The following TMEM106B variants were observed in gnomAD, a reference collection of about 807,000 sequenced individuals.
The protein encoded by TMEM106B is transmembrane protein 106B.
In TMEM106B, 15 loss-of-function variants were observed where a neutral mutation model predicts 31.1. The ratio of observed to expected loss-of-function variants is 0.48; its 90% CI spans 0.32 to 0.74. TMEM106B has a LOEUF of 0.74. Among genes scored for constraint, TMEM106B ranks in the 30% least tolerant of loss-of-function variants. The probability of loss-of-function intolerance (pLI) is 0.03; values close to 1 mark genes in which losing one functional copy is unlikely to be tolerated. For synonymous variants in TMEM106B, 126 were observed against 112.5 expected, an observed-to-expected ratio of 1.12 and a Z score of -0.76; for missense variants, 283 against 327.3, an observed-to-expected ratio of 0.86 and a Z score of 1.04.
rs1304034650 is a variant in TMEM106B at position 12,238,532 on chromosome 7, T to G, written c.*6557T>G. The stretch of plus-strand genomic sequence containing the variant: ...CAAATCCTTTCTGGAAGGTTTCAAT[T>G]TACTTTGCCCAGATCCATCAGAGGA... On this transcript the variant is annotated 3_prime_UTR_variant, in exon 8 of 8. Coordinates refer to ENST00000396668, the MANE Select transcript of TMEM106B (RefSeq NM_001134232.2). 1 of 152,294 alleles carries G rather than the reference T, an allele frequency of 6.6e-6. No homozygotes were observed. The highest frequency in any genetic ancestry group is 2.4e-5 in the African/African-American group (1 of 41,452). 9.4% of individuals were successfully genotyped at this position (152,294 alleles called of 1,614,324 possible). A position where few individuals can be genotyped will look rare whatever the true frequency, so the allele number is the denominator to read the frequency against.
At chr7:12,226,677 C>T (rs539782765) in intron 4 of TMEM106B, among the ~76,000 whole-genome samples, 1,698 of 147,744 alleles carry the variant, frequency 0.011, 40 homozygotes, top group African/African-American at 0.04. Flanking sequence ...AAAGTGGAAT[C>T]ACTACTTAAT....
intron 3 of TMEM106B, among the ~76,000 whole-genome samples, chr7:12,223,813 C>T (rs1159722424): frequency 6.6e-6 from 1 of 151,432 alleles, no homozygotes; most frequent in Non-Finnish European, 1.5e-5. Flanking sequence ...CTCTGCCTCC[C>T]GGGTTCAAAC....
chr7:12,224,059 C>G (rs1469479578), intron 3 of TMEM106B, among the ~76,000 whole-genome samples, 167 bp from the exon 4 acceptor site: 2 of 152,174 alleles, frequency 1.3e-5, no homozygotes, highest in Non-Finnish European at 2.9e-5. Flanking sequence ...ACTTAATAGA[C>G]TCAGACTCAA....
chr7:12,223,877 C>T (rs1295707489), intron 3 of TMEM106B, among the ~76,000 whole-genome samples: 2 of 151,988 alleles, frequency 1.3e-5, no homozygotes, highest in Non-Finnish European at 2.9e-5. Context: ...CACACCACCA[C>T]ACCTGGCTAA....
intron 5 of TMEM106B, among the ~76,000 whole-genome samples, 165 bp downstream of exon 5, chr7:12,229,984 A>G (rs1781985469): frequency 1.3e-5 from 2 of 152,106 alleles, no homozygotes; most frequent in Admixed American, 1.3e-4. Context: ...TGGGAGGCTG[A>G]GCTCAGTGGA....
Position 12,229,776 on chromosome 7 carries a change from G to A in TMEM106B, c.539G>A (p.Arg180His), listed in dbSNP as rs746430474. Residue 180 changes from arginine (R) to histidine (H), a missense_variant, in exon 5 of 8, where the codon CGC becomes CAC. This residue lies in a region of TMEM106B where 201 missense variants were observed against 211.5 expected (regional missense o/e 0.95). Coordinates refer to ENST00000396668, the MANE Select transcript of TMEM106B (RefSeq NM_001134232.2). Reference sequence around the variant, plus strand: ...TCAAAAACAGTTATTGGAAAGGCACGCTTAAACAACATAACCATTATTGGT... The same window carrying A: ...TCAAAAACAGTTATTGGAAAGGCACACTTAAACAACATAACCATTATTGGT... ...QFSKTVIGKA[R>H]LNNITIIGPL... is the part of the protein sequence containing the mutation. 3.1e-6 allele frequency: 5 copies of A among 1,612,180 alleles called. No individual in the cohort carries two copies. Among genetic ancestry groups the A allele is most frequent in the Admixed American group, 3.4e-5 (2 of 59,486 alleles).
chr7:12,214,786 G>T (rs1215000091), intron 1 of TMEM106B, 23 bp from the exon 2 acceptor site: 1 of 1,564,552 alleles, frequency 6.4e-7, no homozygotes, highest in African/African-American at 1.4e-5. Context: ...GAAGTTTACT[G>T]TAAGATTTTT....
chr7:12,212,711 A>G (rs1038151953), intron 1 of TMEM106B, among the ~76,000 whole-genome samples: 2 of 152,184 alleles, frequency 1.3e-5, no homozygotes, highest in East Asian at 3.9e-4. Context: ...CAGAGCCCTT[A>G]GTGCATCCAG....
At chr7:12,220,044 A>C (rs945957773) in intron 3 of TMEM106B, among the ~76,000 whole-genome samples, 2 of 152,194 alleles carry the variant, frequency 1.3e-5, no homozygotes, top group Admixed American at 6.5e-5. Context: ...AGGATCAATT[A>C]ATTTATAAAT....
At chr7:12,225,000 A>G (rs576016674) in intron 4 of TMEM106B, among the ~76,000 whole-genome samples, 3 of 152,102 alleles carry the variant, frequency 2.0e-5, no homozygotes, top group East Asian at 1.9e-4. Context: ...TATTTCTCCT[A>G]ATGCTATCCC....
rs1248221160 is a variant in TMEM106B at position 12,242,594 on chromosome 7, C to T, written c.*10619C>T. 1 of 152,014 alleles carries T rather than the reference C, an allele frequency of 6.6e-6. No homozygotes were observed. The highest frequency in any genetic ancestry group is 1.5e-5 in the Non-Finnish European group (1 of 67,988). The allele number at this position is 152,014 out of a possible 1,614,324, so 9.4% of individuals were successfully genotyped here. ...TTTTACTGAAATATAAACTTTTATGCATCTGATATTATCTAATTGTGTCCT... is the reference window on the plus strand; with the variant it reads ...TTTTACTGAAATATAAACTTTTATGTATCTGATATTATCTAATTGTGTCCT... On this transcript the variant is annotated 3_prime_UTR_variant, in exon 8 of 8. Transcript: ENST00000396668.
chr7:12,229,826 A>G lies in TMEM106B; in HGVS notation c.582+7A>G, dbSNP rs756526880. 12 of 1,597,310 alleles carry G rather than the reference A, an allele frequency of 7.5e-6. No homozygotes were observed. Among genetic ancestry groups the G allele is most frequent in the Non-Finnish European group, 1.0e-5 (12 of 1,173,540 alleles). On this transcript the variant is annotated splice_region_variant and intron_variant, in intron 5 of 7. Transcript: ENST00000396668. The stretch of plus-strand genomic sequence containing the variant: ...TCCACTTGATATGAAACAAGTAAGA[A>G]TCAATCATGAAATACTTTGTAAGAG...
At chr7:12,215,288 G>A (rs928387020) in intron 2 of TMEM106B, among the ~76,000 whole-genome samples, 3 of 152,078 alleles carry the variant, frequency 2.0e-5, no homozygotes, top group African/African-American at 7.2e-5. Context: ...GATATTCACT[G>A]TCTTGTAAAT....
rs1422698875 is a variant in TMEM106B, at chr7:12,241,257, TTTTA to T, written c.*9286_*9289del. On this transcript the variant is annotated 3_prime_UTR_variant, in exon 8 of 8. Coordinates refer to ENST00000396668, the MANE Select transcript of TMEM106B (RefSeq NM_001134232.2). ...ATCTATTTCAGACACCTAACTTTTT[TTTTA>T]TTTTTTATACTTTAAGTTCTAGGAT... 6.6e-6 allele frequency: 1 copy of T among 152,176 alleles called. No homozygotes were observed. The highest frequency in any genetic ancestry group is 1.5e-5 in the Non-Finnish European group (1 of 68,028). 9.4% of individuals were successfully genotyped at this position (152,176 alleles called of 1,614,324 possible).
intron 1 of TMEM106B, chr7:12,214,486 C>G (rs1042571595): frequency 4.4e-6 from 1 of 228,540 alleles, no homozygotes; most frequent in Non-Finnish European, 8.6e-6. Context: ...CCTTCCACCC[C>G]TGCTTCAAAA....
rs1318882823 is a variant in TMEM106B, at chr7:12,234,226, T to C, written c.*2251T>C. ...CTGTGCTTCTTATATACTATTAGAG[T>C]GCATGATAGTATCTCCTGAAAAGGA... is the stretch of plus-strand genomic sequence containing the variant. On this transcript the variant is annotated 3_prime_UTR_variant, in exon 8 of 8. Transcript: ENST00000396668. 2 of 151,808 alleles carry C rather than the reference T, an allele frequency of 1.3e-5. No individual in the cohort carries two copies. The highest frequency in any genetic ancestry group is 3.0e-5 in the Non-Finnish European group (2 of 67,744). The allele number at this position is 151,808 out of a possible 1,614,324, so 9.4% of individuals were successfully genotyped here.
chr7:12,215,965 T>C (rs1781678889), intron 2 of TMEM106B, among the ~76,000 whole-genome samples: 2 of 152,136 alleles, frequency 1.3e-5, no homozygotes, highest in Admixed American at 1.3e-4. Flanking sequence ...CTCATTATCT[T>C]CTTGGTGAAA....
intron 4 of TMEM106B, 115 bp downstream of exon 4, chr7:12,224,500 T>C: frequency 1.2e-6 from 1 of 805,512 alleles, no homozygotes; most frequent in Non-Finnish European, 1.9e-6. Flanking sequence ...TCAGTGTGCT[T>C]TCTGTATGTC....
Position 12,236,160 on chromosome 7 carries a change from C to T in TMEM106B, c.*4185C>T, listed in dbSNP as rs538781877. 3.9e-5 allele frequency: 6 copies of T among 151,936 alleles called. No individual in the cohort carries two copies. Among genetic ancestry groups the T allele is most frequent in the Non-Finnish European group, 7.4e-5 (5 of 67,846 alleles). The allele number at this position is 151,936 out of a possible 1,614,324, so 9.4% of individuals were successfully genotyped here. On this transcript the variant is annotated 3_prime_UTR_variant, in exon 8 of 8. Transcript: ENST00000396668. ...ATCTACTTTCAAAGTGAGATTTTCA[C>T]TTGTCAGCTTAAATTTCTGACTAGA...
Sources: gnomAD v4.1 joint callset for allele counts (sites outside exome capture counted in the v4.1 genomes callset) on GRCh38, gnomAD v4.1.1 for gene constraint, gnomAD v4.1.1 regional missense constraint, MANE v1.5 for transcripts, NCBI Gene and HGNC (gene_info 2026-07-23, HGNC 2026-07-21) for gene names.